BCAS3: variants seen among roughly 807,000 people sequenced by gnomAD.
BCAS3 encodes the protein BCAS3 microtubule associated cell migration factor.
Under a neutral mutation model 116.1 loss-of-function variants are expected in BCAS3, and 53 were observed. The observed-to-expected ratio is 0.46, with a 90% CI of 0.37 to 0.57. The LOEUF is 0.57. Among genes scored for constraint, BCAS3 ranks in the 20% least tolerant of loss-of-function variants. BCAS3 has a pLI of 0.00. For missense variants in BCAS3, 917 were observed against 1,165.4 expected, an observed-to-expected ratio of 0.79 and a Z score of 3.10; for synonymous variants, 391 against 408.2, an observed-to-expected ratio of 0.96 and a Z score of 0.51.
rs35629825 is a variant in BCAS3, at chr17:61,042,891, CAAAAAAA to C, written c.2029+2017_2029+2023del. ...GGCAACAGAGCAAGACTCCATCTCA[CAAAAAAA>C]AAAAAAAAAAAAAAAAAGAAAGAAA... On this transcript the variant is annotated intron_variant, in intron 19 of 23. Transcript: ENST00000407086. 1.1e-3 allele frequency among the ~76,000 whole-genome samples: 62 copies of C among 58,288 alleles called. 1 individual carries two copies. The highest frequency in any genetic ancestry group is 0.011 in the Middle Eastern group (1 of 92). 38.2% of individuals were successfully genotyped at this position (58,288 alleles called of 152,430 possible).
rs1011182477 is a variant in BCAS3 at position 61,162,762 on chromosome 17, C to G, written c.2425+78198C>G. The stretch of plus-strand genomic sequence containing the variant: ...CTTGGGGAGGAGCAACGTCTCCAGC[C>G]GAGGCTGCAACCCGAGGAACCACTC... On this transcript the variant is annotated intron_variant, in intron 22 of 23. Transcript: ENST00000407086. The surrounding 1 kb of genome is among the most constrained non-coding windows in gnomAD (Gnocchi z 5.6). Among the ~76,000 whole-genome samples, 1 of 152,084 alleles carries G rather than the reference C, an allele frequency of 6.6e-6. No homozygotes were observed. The highest frequency in any genetic ancestry group is 2.4e-5 in the African/African-American group (1 of 41,396).
chr17:61,140,333 G>A lies in BCAS3; in HGVS notation c.2425+55769G>A, dbSNP rs775312746. ...GAATATATAGCAAAGGATATGTGAG[G>A]GATAGCTGTGGAAGATCCAACTGTC... On this transcript the variant is annotated intron_variant, in intron 22 of 23. Coordinates refer to ENST00000407086, the MANE Select transcript of BCAS3 (RefSeq NM_017679.5). The surrounding 1 kb of genome is among the most constrained non-coding windows in gnomAD (Gnocchi z 4.2). 6.6e-5 allele frequency among the ~76,000 whole-genome samples: 10 copies of A among 152,332 alleles called. No homozygotes were observed. The highest frequency in any genetic ancestry group is 1.3e-4 in the Non-Finnish European group (9 of 68,032).
At chr17:60,733,355 A>G (rs1379695993) in intron 5 of BCAS3, among the ~76,000 whole-genome samples, 1 of 152,206 alleles carries the variant, frequency 6.6e-6, no homozygotes, top group Non-Finnish European at 1.5e-5. Flanking sequence ...TTTTTGGAAT[A>G]AGACCAAAAT....
In BCAS3 at chr17:61,134,378, G is replaced by T. The variant is rs2076505671; in HGVS notation, c.2425+49814G>T. 6.6e-6 allele frequency among the ~76,000 whole-genome samples: 1 copy of T among 152,084 alleles called. No individual in the cohort carries two copies. The highest frequency in any genetic ancestry group is 1.5e-5 in the Non-Finnish European group (1 of 68,014). Reference sequence around the variant, plus strand: ...GAAATTGAGGTCTTGTGAAAGTAACGTGCCTGGATTGACACAGTAAGCTGG... The same window carrying T: ...GAAATTGAGGTCTTGTGAAAGTAACTTGCCTGGATTGACACAGTAAGCTGG... On this transcript the variant is annotated intron_variant, in intron 22 of 23. Transcript: ENST00000407086. The surrounding 1 kb of genome is among the most constrained non-coding windows in gnomAD (Gnocchi z 4.6).
intron 19 of BCAS3, among the ~76,000 whole-genome samples, chr17:61,064,615 G>A (rs2070419754): frequency 6.6e-6 from 1 of 152,144 alleles, no homozygotes; most frequent in South Asian, 2.1e-4. Flanking sequence ...GAGAAAAGAT[G>A]CACCCAGAGT....
chr17:61,148,390 C>T (rs2077361271), intron 22 of BCAS3, among the ~76,000 whole-genome samples: 1 of 152,214 alleles, frequency 6.6e-6, no homozygotes, highest in East Asian at 1.9e-4. Flanking sequence ...TGTTAAACCA[C>T]TTCATGGAAC....
intron 14 of BCAS3, among the ~76,000 whole-genome samples, chr17:60,970,393 A>G (rs973628380): frequency 3.3e-5 from 5 of 152,216 alleles, no homozygotes; most frequent in South Asian, 2.1e-4. Context: ...AAATTCAACC[A>G]TATAGAAATT....
At position 60,756,931 on chromosome 17, in the gene BCAS3, A is replaced by G. The variant is rs189752467; in HGVS notation, c.403+9652A>G. ...GCCAGGCGCGGTGGCTCATGTCTGT[A>G]ATCCCAGCGGATCACGAGGTCAAGA... On this transcript the variant is annotated intron_variant, in intron 6 of 23. Coordinates refer to ENST00000407086, the MANE Select transcript of BCAS3 (RefSeq NM_017679.5). Among the ~76,000 whole-genome samples, 497 of 152,282 alleles carry G rather than the reference A, an allele frequency of 3.3e-3. 4 individuals carry two copies. The highest frequency in any genetic ancestry group is 0.01 in the Middle Eastern group (3 of 294).
intron 13 of BCAS3, among the ~76,000 whole-genome samples, chr17:60,932,888 A>G (rs1007750034): frequency 2.6e-5 from 4 of 151,818 alleles, no homozygotes; most frequent in African/African-American, 7.3e-5. Context: ...AAAATACCCC[A>G]TGGAGGCTGG....
At chr17:60,861,031 G>A (rs2054112327) in intron 7 of BCAS3, among the ~76,000 whole-genome samples, 1 of 152,044 alleles carries the variant, frequency 6.6e-6, no homozygotes, top group Non-Finnish European at 1.5e-5. Flanking sequence ...TGTGAAAAAT[G>A]CCTTTGGTAG....
rs556916542 is a variant in BCAS3, at chr17:61,266,532, A to G, written c.2426-101795A>G. On this transcript the variant is annotated intron_variant, in intron 22 of 23. Transcript: ENST00000407086. ...ATTTAACACTGAACTAAGACTTGGT[A>G]TCTGAGAAGCTGTATCTAAGAGTGG... Among the ~76,000 whole-genome samples the G allele has an allele frequency of 9.8e-5, 15 of 152,360 alleles. 1 individual carries two copies. In the East Asian group the frequency reaches 2.3e-3, roughly 24 times the overall value.
In BCAS3 at chr17:61,150,003, A is replaced by G. The variant is rs77517982; in HGVS notation, c.2425+65439A>G. Among the ~76,000 whole-genome samples, 474 of 152,292 alleles carry G rather than the reference A, an allele frequency of 3.1e-3. 4 individuals carry two copies. The highest frequency in any genetic ancestry group is 3.4e-3 in the Middle Eastern group (1 of 294). On this transcript the variant is annotated intron_variant, in intron 22 of 23. Coordinates refer to ENST00000407086, the MANE Select transcript of BCAS3 (RefSeq NM_017679.5). ...TGTACAACTGCAGAGACTTAGATGAATATCAGGTGTTTGCAGATGTTTTTT... is the reference window on the plus strand; with the variant it reads ...TGTACAACTGCAGAGACTTAGATGAGTATCAGGTGTTTGCAGATGTTTTTT...
intron 19 of BCAS3, among the ~76,000 whole-genome samples, chr17:61,069,513 G>A (rs1234073097): frequency 2.6e-5 from 4 of 152,014 alleles, no homozygotes; most frequent in Non-Finnish European, 4.4e-5. Flanking sequence ...ATCCAAATTA[G>A]GCCTACTATT....
At chr17:61,172,262 G>A (rs1039376604) in intron 22 of BCAS3, among the ~76,000 whole-genome samples, 4 of 152,148 alleles carry the variant, frequency 2.6e-5, no homozygotes, top group African/African-American at 9.7e-5. Context: ...TAATCTAGTT[G>A]ACATTTACTG....
At chr17:60,836,154 G>C (rs1313106153) in intron 7 of BCAS3, among the ~76,000 whole-genome samples, 1 of 152,012 alleles carries the variant, frequency 6.6e-6, no homozygotes, top group Non-Finnish European at 1.5e-5. Flanking sequence ...TGGTACATTT[G>C]TTATAGTTGA....
rs908120928 is a variant in BCAS3 at position 61,356,067 on chromosome 17, C to T, written c.2426-12260C>T. On this transcript the variant is annotated intron_variant, in intron 22 of 23. Transcript: ENST00000407086. This position sits in a 1 kb window ranked among gnomAD's most constrained non-coding sequence, Gnocchi z 5.4. ...TGGAGTACAATGGCGCAATCTCGGCCCACTGCAACCTCCGCCTCCCGGGTT... is the reference window on the plus strand; with the variant it reads ...TGGAGTACAATGGCGCAATCTCGGCTCACTGCAACCTCCGCCTCCCGGGTT... 6.6e-6 allele frequency among the ~76,000 whole-genome samples: 1 copy of T among 152,096 alleles called. No individual in the cohort carries two copies. Among genetic ancestry groups the T allele is most frequent in the Non-Finnish European group, 1.5e-5 (1 of 68,006 alleles).
chr17:61,053,100 C>G (rs1038122630), intron 19 of BCAS3, among the ~76,000 whole-genome samples: 6 of 152,050 alleles, frequency 3.9e-5, no homozygotes, highest in African/African-American at 1.4e-4. Context: ...ATCTCTTGGC[C>G]TTCACTTACA....
rs1390893655 is a variant in BCAS3, at chr17:61,279,560, G to T, written c.2426-88767G>T. Reference sequence around the variant, plus strand: ...GGGGCCTCAGCAGAGGATATTTTTAGAACAGCTGTGGGTCTAATTTTGATG... The same window carrying T: ...GGGGCCTCAGCAGAGGATATTTTTATAACAGCTGTGGGTCTAATTTTGATG... On this transcript the variant is annotated intron_variant, in intron 22 of 23. Transcript: ENST00000407086. The surrounding 1 kb of genome is among the most constrained non-coding windows in gnomAD (Gnocchi z 4.4). Among the ~76,000 whole-genome samples, 1 of 152,146 alleles carries T rather than the reference G, an allele frequency of 6.6e-6. No homozygotes were observed. Among genetic ancestry groups the T allele is most frequent in the Non-Finnish European group, 1.5e-5 (1 of 68,030 alleles).
rs944305331 is a variant in BCAS3, at chr17:61,008,721, G to T, written c.1487-7030G>T. Among the ~76,000 whole-genome samples the T allele has an allele frequency of 6.6e-6, 1 of 151,818 alleles. No homozygotes were observed. ...AAAAAATAAAAAAATAAAAAAAAAG[G>T]CCCCGTAGAACTCATCATCTAGTTT... is the stretch of plus-strand genomic sequence containing the variant. On this transcript the variant is annotated intron_variant, in intron 15 of 23. Transcript: ENST00000407086. This position sits in a 1 kb window ranked among gnomAD's most constrained non-coding sequence, Gnocchi z 4.6.
Sources: gnomAD v4.1 joint callset for allele counts (sites outside exome capture counted in the v4.1 genomes callset) on GRCh38, gnomAD v4.1.1 for gene constraint, Gnocchi (gnomAD v3.1) non-coding constraint, MANE v1.5 for transcripts, NCBI Gene and HGNC (gene_info 2026-07-23, HGNC 2026-07-21) for gene names.